The following SBF2 variants were observed in gnomAD, a reference collection of about 807,000 sequenced individuals.
SBF2 encodes the protein SET binding factor 2.
SBF2 carries 112 observed loss-of-function variants against 225.2 expected under a neutral mutation model. That is an observed-to-expected ratio of 0.50 (90% confidence interval 0.43 to 0.58). The LOEUF is 0.58. Among genes scored for constraint, SBF2 ranks in the 20% least tolerant of loss-of-function variants. The probability of loss-of-function intolerance (pLI) is 0.00; values close to 1 mark genes in which losing one functional copy is unlikely to be tolerated. For synonymous variants in SBF2, 763 were observed against 773.3 expected, an observed-to-expected ratio of 0.99 and a Z score of 0.22; for missense variants, 1,996 against 2,206.2, an observed-to-expected ratio of 0.90 and a Z score of 1.91.
rs28862409 is a variant in SBF2, at chr11:9,911,074, C to A, written c.1861-15063G>T. On this transcript the variant is annotated intron_variant, in intron 16 of 39. Transcript: ENST00000256190. ...CTCCATCTCAAAAAAACAAAAAAAA[C>A]AAAAAAAACACGACTGGGCACGGTG... Among the ~76,000 whole-genome samples the A allele has an allele frequency of 7.1e-3, 1,007 of 141,566 alleles. 8 individuals carry two copies. The highest frequency in any genetic ancestry group is 0.012 in the Non-Finnish European group (754 of 64,550). 92.9% of individuals were successfully genotyped at this position (141,566 alleles called of 152,430 possible).
chr11:9,941,977 G>A (rs2134295880), intron 16 of SBF2, among the ~76,000 whole-genome samples: 1 of 152,224 alleles, frequency 6.6e-6, no homozygotes, highest in Middle Eastern at 3.4e-3. Context: ...ATTAGAAAAT[G>A]CAATTTTAAA....
chr11:10,087,778 G>A (rs1400361860), intron 2 of SBF2, among the ~76,000 whole-genome samples: 1 of 152,096 alleles, frequency 6.6e-6, no homozygotes, highest in Non-Finnish European at 1.5e-5. Context: ...GTGTTTTGAA[G>A]AACAATAGTG....
chr11:10,229,304 GTC>G (rs1446347721), intron 1 of SBF2, among the ~76,000 whole-genome samples: 3 of 152,144 alleles, frequency 2.0e-5, no homozygotes, highest in African/African-American at 7.2e-5. Context: ...GGTTTTTTGT[GTC>G]TCTATTTCCT....
chr11:9,991,526 C>T (rs941333468), intron 12 of SBF2, among the ~76,000 whole-genome samples: 2 of 152,164 alleles, frequency 1.3e-5, no homozygotes, highest in East Asian at 1.9e-4. Flanking sequence ...GAGTGTTGTT[C>T]TTTTATAGAT....
At chr11:10,267,977 C>T (rs7938769) in intron 1 of SBF2, among the ~76,000 whole-genome samples, 9 of 152,206 alleles carry the variant, frequency 5.9e-5, no homozygotes, top group Admixed American at 1.3e-4. Context: ...GGTTTACTCA[C>T]GCTAAGATTT....
At chr11:10,194,036 C>A in intron 1 of SBF2, 49 bp from the exon 2 acceptor site, 2 of 1,131,624 alleles carry the variant, frequency 1.8e-6, no homozygotes, top group South Asian at 1.2e-5. Flanking sequence ...CTAAAAACTA[C>A]AAATACTCAT....
intron 16 of SBF2, chr11:9,959,323 T>C (rs1866405447): frequency 2.6e-6 from 2 of 775,922 alleles, no homozygotes; most frequent in African/African-American, 1.7e-5. Flanking sequence ...CATACTACAG[T>C]TAAGATGGAC....
intron 2 of SBF2, among the ~76,000 whole-genome samples, chr11:10,134,274 T>G (rs924845377): frequency 1.3e-5 from 2 of 152,118 alleles, no homozygotes; most frequent in Non-Finnish European, 2.9e-5. Flanking sequence ...TACCTCCCAC[T>G]GGGTCCCTCC....
Position 10,015,152 on chromosome 11 carries a change from T to A in SBF2, c.620-12463A>T, listed in dbSNP as rs1054540610. Among the ~76,000 whole-genome samples the A allele has an allele frequency of 3.3e-5, 5 of 151,922 alleles. No homozygotes were observed. The South Asian group carries it at 1.0e-3, about 32-fold the overall frequency. On this transcript the variant is annotated intron_variant, in intron 6 of 39. Coordinates refer to ENST00000256190, the MANE Select transcript of SBF2 (RefSeq NM_030962.4). The stretch of plus-strand genomic sequence containing the variant: ...CACCCTGTCTCAATAATAATAATAA[T>A]AAAATAATAATACTGTATCAATGTC...
intron 17 of SBF2, among the ~76,000 whole-genome samples, chr11:9,859,990 G>T (rs781700414): frequency 1.3e-5 from 2 of 152,172 alleles, no homozygotes; most frequent in East Asian, 1.9e-4. Context: ...TTCTTTGAGG[G>T]TGCACAGGGA....
intron 2 of SBF2, among the ~76,000 whole-genome samples, chr11:10,188,473 G>C (rs989543360): frequency 1.3e-5 from 2 of 152,096 alleles, no homozygotes; most frequent in African/African-American, 2.4e-5. Context: ...CAGAACCCTA[G>C]CATGACAAGA....
chr11:10,131,733 G>A (rs543975438), intron 2 of SBF2, among the ~76,000 whole-genome samples: 10 of 152,290 alleles, frequency 6.6e-5, no homozygotes, highest in East Asian at 3.9e-4. Flanking sequence ...GAGCCACCAC[G>A]CCCGGCCAAG....
rs1391216123 is a variant in SBF2 at position 10,103,859 on chromosome 11, C to T, written c.142-60878G>A. On this transcript the variant is annotated intron_variant, in intron 2 of 39. Coordinates refer to ENST00000256190, the MANE Select transcript of SBF2 (RefSeq NM_030962.4). ...ACTTTGGGAGGCCAAGGCAAAAGGA[C>T]TGCTTGAGCCGAGATAGCTGAGACC... Among the ~76,000 whole-genome samples, 3 of 152,272 alleles carry T rather than the reference C, an allele frequency of 2.0e-5. No individual in the cohort carries two copies. The East Asian group carries it at 5.8e-4, about 29-fold the overall frequency.
chr11:10,184,766 G>A (rs557594939), intron 2 of SBF2, among the ~76,000 whole-genome samples: 22 of 152,142 alleles, frequency 1.4e-4, no homozygotes, highest in Admixed American at 4.6e-4. Context: ...TCACTCTGTC[G>A]CCCAGGCTGG....
chr11:10,150,011 T>C (rs1300767056), intron 2 of SBF2, among the ~76,000 whole-genome samples: 1 of 152,148 alleles, frequency 6.6e-6, no homozygotes, highest in East Asian at 1.9e-4. Flanking sequence ...GCTAGTATCA[T>C]GGCCCCACCT....
At chr11:9,886,101 A>T (rs563011544) in intron 17 of SBF2, among the ~76,000 whole-genome samples, 1 of 152,332 alleles carries the variant, frequency 6.6e-6, no homozygotes, top group South Asian at 2.1e-4. Context: ...ATCAAATTCC[A>T]TGCTACTGTA....
chr11:9,862,372 C>T (rs756545825), intron 17 of SBF2, among the ~76,000 whole-genome samples: 1 of 152,032 alleles, frequency 6.6e-6, no homozygotes, highest in African/African-American at 2.4e-5. Flanking sequence ...CTACAAATTG[C>T]AAAAATGGAA....
At chr11:9,813,816 C>T (rs1854319243) in intron 29 of SBF2, among the ~76,000 whole-genome samples, 1 of 152,000 alleles carries the variant, frequency 6.6e-6, no homozygotes, top group Non-Finnish European at 1.5e-5. Flanking sequence ...GTGACAGGCA[C>T]CTGTAATCGC....
chr11:10,183,514 C>T (rs930777830), intron 2 of SBF2, among the ~76,000 whole-genome samples: 1 of 152,182 alleles, frequency 6.6e-6, no homozygotes, highest in Non-Finnish European at 1.5e-5. Context: ...GTCTCAAAAT[C>T]CTAAGTTTTC....
Sources: gnomAD v4.1 joint callset for allele counts (sites outside exome capture counted in the v4.1 genomes callset) on GRCh38, gnomAD v4.1.1 for gene constraint, MANE v1.5 for transcripts, NCBI Gene and HGNC (gene_info 2026-07-23, HGNC 2026-07-21) for gene names.